The following CEMIP2 variants were observed in gnomAD, a reference collection of about 807,000 sequenced individuals.
CEMIP2 encodes the protein cell migration inducing hyaluronidase 2, also known as cell surface hyaluronidase CEMIP2.
Under a neutral mutation model 146.9 loss-of-function variants are expected in CEMIP2, and 79 were observed. The observed-to-expected ratio is 0.54, with a 90% CI of 0.45 to 0.65. The LOEUF is 0.65. Ranked by LOEUF, CEMIP2 falls within the 30% of genes least tolerant of loss-of-function variation. CEMIP2 has a pLI of 0.00. For synonymous variants in CEMIP2, 601 were observed against 606.3 expected (o/e 0.99, Z 0.13); for missense variants, 1,596 against 1,696.2 (o/e 0.94, Z 1.04).
chr9:71,731,594 T>C (rs904061388), intron 7 of CEMIP2, among the ~76,000 whole-genome samples: 1 of 152,004 alleles, frequency 6.6e-6, no homozygotes, highest in Admixed American at 6.6e-5. Context: ...AGCCAGGCAC[T>C]GTGGTGTACA....
intron 5 of CEMIP2, among the ~76,000 whole-genome samples, chr9:71,739,337 G>A (rs535704368): frequency 1.1e-3 from 118 of 104,376 alleles, no homozygotes; most frequent in Non-Finnish European, 1.9e-3. Flanking sequence ...ACTCCAGCCT[G>A]GGTGACAGAG....
intron 18 of CEMIP2, among the ~76,000 whole-genome samples, chr9:71,702,261 GAAAAA>G (rs67059194): frequency 1.9e-5 from 2 of 106,132 alleles, no homozygotes; most frequent in South Asian, 3.1e-4. Context: ...TTGTCTCAAG[GAAAAA>G]AAAAAAAAAA....
intron 21 of CEMIP2, among the ~76,000 whole-genome samples, chr9:71,692,061 A>G (rs1042472721): frequency 5.3e-5 from 8 of 151,732 alleles, no homozygotes; most frequent in Admixed American, 2.0e-4. Flanking sequence ...GTGAGCCAAG[A>G]TCAAGCCACT....
chr9:71,721,267 T>C (rs1823223392), intron 12 of CEMIP2, among the ~76,000 whole-genome samples: 2 of 152,158 alleles, frequency 1.3e-5, no homozygotes, highest in South Asian at 4.1e-4. Flanking sequence ...ACCTTCTAGA[T>C]AGAATTCTTT....
intron 10 of CEMIP2, among the ~76,000 whole-genome samples, chr9:71,726,375 T>G (rs1823385621): frequency 6.6e-6 from 1 of 152,236 alleles, no homozygotes; most frequent in Admixed American, 6.5e-5. Context: ...TGACAAATCT[T>G]TATTTTACAA....
chr9:71,701,559 A>C (rs1279039708), intron 18 of CEMIP2, among the ~76,000 whole-genome samples: 1 of 152,190 alleles, frequency 6.6e-6, no homozygotes, highest in Non-Finnish European at 1.5e-5. Flanking sequence ...GGAACTGTAC[A>C]TTGGCAAAAG....
At chr9:71,753,468 T>G (rs961673482) in intron 1 of CEMIP2, among the ~76,000 whole-genome samples, 2 of 152,142 alleles carry the variant, frequency 1.3e-5, no homozygotes, top group Non-Finnish European at 2.9e-5. Context: ...AAATCAAAAA[T>G]AAGCATGGTC....
In CEMIP2 at chr9:71,698,221, C is replaced by T. The variant is rs1211633451; in HGVS notation, c.3378-17G>A. 2 of 1,610,550 alleles carry T rather than the reference C, an allele frequency of 1.2e-6. No individual in the cohort carries two copies. The highest frequency in any genetic ancestry group is 8.5e-7 in the Non-Finnish European group (1 of 1,177,220). ...AACAGTAACCTGCACAAAACAGAAA[C>T]CAATCCATGTAGTTAGACTTATTCT... On this transcript the variant is annotated splice_polypyrimidine_tract_variant and intron_variant, in intron 19 of 23. Coordinates refer to ENST00000377044, the MANE Select transcript of CEMIP2 (RefSeq NM_013390.3).
chr9:71,728,243 A>ATGTATATACACG, intron 10 of CEMIP2, among the ~76,000 whole-genome samples: 1 of 49,192 alleles, frequency 2.0e-5, no homozygotes, highest in African/African-American at 6.3e-5. Flanking sequence ...ATATATATAT[A>ATGTATATACACG]TATATATGTA....
intron 15 of CEMIP2, among the ~76,000 whole-genome samples, chr9:71,713,286 G>C (rs552461246): frequency 1.3e-5 from 2 of 152,170 alleles, no homozygotes; most frequent in African/African-American, 4.8e-5. Flanking sequence ...TTAAAAACAG[G>C]AGTTTCCCTG....
At chr9:71,697,956 G>A (rs753882810) in intron 20 of CEMIP2, 29 bp downstream of exon 20, 16 of 1,598,404 alleles carry the variant, frequency 1.0e-5, no homozygotes, top group Non-Finnish European at 1.7e-6. Flanking sequence ...TTTCTCCTTG[G>A]CCACAGACCA....
chr9:71,699,514 T>C (rs1822498317), intron 19 of CEMIP2: 4 of 408,008 alleles, frequency 9.8e-6, no homozygotes, highest in Non-Finnish European at 1.9e-5. Flanking sequence ...GAGACAATTA[T>C]GACAATAAAA....
intron 17 of CEMIP2, among the ~76,000 whole-genome samples, chr9:71,708,542 A>G (rs1822819701): frequency 6.6e-6 from 1 of 152,194 alleles, no homozygotes; most frequent in South Asian, 2.1e-4. Context: ...TTAGAAAATA[A>G]CAAAGCCAGA....
At chr9:71,690,552 T>A (rs1283050650) in intron 21 of CEMIP2, among the ~76,000 whole-genome samples, 2 of 152,188 alleles carry the variant, frequency 1.3e-5, no homozygotes, top group African/African-American at 4.8e-5. Flanking sequence ...AAGGTATTCC[T>A]TCTTACACAC....
rs184745382 is a variant in CEMIP2, at chr9:71,702,585, T to C, written c.3195-1761A>G. 5.3e-5 allele frequency among the ~76,000 whole-genome samples: 8 copies of C among 152,318 alleles called. 1 individual carries two copies. In the East Asian group the frequency reaches 1.5e-3, roughly 29 times the overall value. On this transcript the variant is annotated intron_variant, in intron 18 of 23. Coordinates refer to ENST00000377044, the MANE Select transcript of CEMIP2 (RefSeq NM_013390.3). ...TTTCCATTTTCTTTATGTTTTTCTA[T>C]ATTTTCCTTATTTTGTTTAATGAAT...
intron 20 of CEMIP2, among the ~76,000 whole-genome samples, chr9:71,696,086 C>G (rs1009995253): frequency 1.2e-4 from 19 of 152,128 alleles, no homozygotes; most frequent in African/African-American, 4.3e-4. Flanking sequence ...ATGCTTCATG[C>G]ACAAAAGATA....
intron 11 of CEMIP2, among the ~76,000 whole-genome samples, chr9:71,723,636 A>C (rs1388365417): frequency 3.3e-5 from 5 of 152,164 alleles, no homozygotes; most frequent in African/African-American, 1.2e-4. Flanking sequence ...AAAAATAAGA[A>C]TTTTAGTTTG....
intron 21 of CEMIP2, among the ~76,000 whole-genome samples, chr9:71,692,121 A>G (rs895142597): frequency 2.8e-5 from 4 of 143,436 alleles, no homozygotes; most frequent in East Asian, 2.0e-4. Flanking sequence ...AAAAAAAAAG[A>G]AAAAAAAAAA....
chr9:71,759,933 C>T (rs1005868018), intron 1 of CEMIP2, among the ~76,000 whole-genome samples: 11 of 150,792 alleles, frequency 7.3e-5, no homozygotes, highest in African/African-American at 2.7e-4. Flanking sequence ...ACTCATTTTA[C>T]CAGGGAAGCC....
Sources: allele counts gnomAD v4.1 joint callset (sites outside exome capture counted in the v4.1 genomes callset), GRCh38; gene constraint gnomAD v4.1.1; transcripts MANE v1.5; gene names NCBI Gene and HGNC (gene_info 2026-07-23, HGNC 2026-07-21).